VPS53: variants seen among roughly 807,000 people sequenced by gnomAD.
VPS53 encodes vacuolar protein sorting-associated protein 53 homolog.
In VPS53, 70 loss-of-function variants were observed where a neutral mutation model predicts 107.0. That is an observed-to-expected ratio of 0.65 (90% CI 0.54 to 0.80). The LOEUF is 0.80. Among genes scored for constraint, VPS53 ranks in the 30% least tolerant of loss-of-function variants. The probability of loss-of-function intolerance (pLI) is 0.00; values close to 1 mark genes in which losing one functional copy is unlikely to be tolerated. For missense variants in VPS53, 917 were observed against 1,049.4 expected, an observed-to-expected ratio of 0.87 and a Z score of 1.74; for synonymous variants, 409 against 393.3, an observed-to-expected ratio of 1.04 and a Z score of -0.47.
chr17:512,940 G>A lies in VPS53; in HGVS notation c.*6188C>T, dbSNP rs960785019. On this transcript the variant is annotated 3_prime_UTR_variant, in exon 22 of 22. Transcript: ENST00000437048. ...AGCAGGCTGTGATGGGAACGGTAAG[G>A]ACAGAGAAGGGAAGGTTCACAGGAT... 1 of 152,432 alleles carries A rather than the reference G, an allele frequency of 6.6e-6. No individual in the cohort carries two copies. The highest frequency in any genetic ancestry group is 1.5e-5 in the Non-Finnish European group (1 of 68,192). 9.4% of individuals were successfully genotyped at this position (152,432 alleles called of 1,614,324 possible).
At chr17:641,832 A>G (rs1464312032) in intron 7 of VPS53, among the ~76,000 whole-genome samples, 1 of 152,174 alleles carries the variant, frequency 6.6e-6, no homozygotes, top group Non-Finnish European at 1.5e-5. Flanking sequence ...CCTGGCATCC[A>G]CGTAAGTTCA....
At chr17:660,449 T>G (rs1329931250) in intron 5 of VPS53, among the ~76,000 whole-genome samples, 2 of 152,066 alleles carry the variant, frequency 1.3e-5, no homozygotes, top group African/African-American at 4.8e-5. Context: ...ATAAGACATC[T>G]CATAACTTGG....
At chr17:681,240 T>G (rs1444335018) in intron 4 of VPS53, among the ~76,000 whole-genome samples, 2 of 152,116 alleles carry the variant, frequency 1.3e-5, no homozygotes, top group Non-Finnish European at 2.9e-5. Flanking sequence ...GGGTTCAAGT[T>G]ATTCTTCTGC....
chr17:634,934 T>C lies in VPS53; in HGVS notation c.609-3306A>G, dbSNP rs553225939. ...CCAGTAATGGGGTGGCTGGGTCAAA[T>C]GGTATTTCTAGTTCTAGATCCTTGA... On this transcript the variant is annotated intron_variant, in intron 7 of 21. Coordinates refer to ENST00000437048, the MANE Select transcript of VPS53 (RefSeq NM_001128159.3). Among the ~76,000 whole-genome samples the C allele has an allele frequency of 9.9e-5, 15 of 151,848 alleles. No homozygotes were observed. In the South Asian group the frequency reaches 2.9e-3, roughly 30 times the overall value.
intron 2 of VPS53, 145 bp from the exon 3 acceptor site, chr17:699,525 A>C: frequency 3.5e-6 from 2 of 565,570 alleles, no homozygotes; most frequent in Non-Finnish European, 5.6e-6. Flanking sequence ...AAAAAAAAAA[A>C]AGTAAAGCAG....
At chr17:642,392 T>C (rs1457402240) in intron 7 of VPS53, among the ~76,000 whole-genome samples, 1 of 149,372 alleles carries the variant, frequency 6.7e-6, no homozygotes, top group Admixed American at 6.7e-5. Context: ...AAAACACTCA[T>C]ACTCGGAAAC....
chr17:652,869 T>C (rs1971010891), intron 7 of VPS53, among the ~76,000 whole-genome samples: 1 of 152,146 alleles, frequency 6.6e-6, no homozygotes, highest in Non-Finnish European at 1.5e-5. Context: ...TTGGAAGACA[T>C]GGGAAGGGGT....
chr17:546,329 T>TCACACACACA (rs71371545), intron 17 of VPS53, among the ~76,000 whole-genome samples: 1,632 of 131,924 alleles, frequency 0.012, 26 homozygotes, highest in African/African-American at 0.016. Context: ...CTTAGATATC[T>TCACACACACA]CACACACACA....
Position 710,535 on chromosome 17 carries a change from G to C in VPS53, c.166C>G (p.Gln56Glu). ...AGGAAACCTGAAACTCTACTTACTT[G>C]CTCGGTTGGGAACAGGGTATTGATA... ...EYINTLFPTEQSLANIDEVVN... is the reference protein window; with the variant it reads ...EYINTLFPTEESLANIDEVVN... Residue 56 changes from glutamine (Q) to glutamate (E), a missense_variant and splice_region_variant, in exon 2 of 22, where the codon CAA (glutamine) becomes GAA (glutamate). By Grantham distance (29) the Gln-to-Glu change is conservative (BLOSUM62 2). Transcript: ENST00000437048. The C allele has an allele frequency of 6.2e-7, 1 of 1,612,928 alleles. No individual in the cohort carries two copies. The highest frequency in any genetic ancestry group is 8.5e-7 in the Non-Finnish European group (1 of 1,179,080).
At chr17:668,418 C>A (rs1190481919) in intron 4 of VPS53, among the ~76,000 whole-genome samples, 1 of 152,182 alleles carries the variant, frequency 6.6e-6, no homozygotes, top group Non-Finnish European at 1.5e-5. Flanking sequence ...CATAACCATT[C>A]CTCTAACTTC....
intron 15 of VPS53, among the ~76,000 whole-genome samples, chr17:560,052 G>A (rs1368453553): frequency 6.6e-6 from 1 of 152,218 alleles, no homozygotes; most frequent in African/African-American, 2.4e-5. Context: ...TCTGAGCATG[G>A]AATAACTGGC....
chr17:626,975 C>A (rs1335478584), intron 10 of VPS53, among the ~76,000 whole-genome samples, 199 bp downstream of exon 10: 1 of 152,046 alleles, frequency 6.6e-6, no homozygotes, highest in Non-Finnish European at 1.5e-5. Flanking sequence ...AAGAACTACA[C>A]CACGGAAAGT....
At chr17:569,893 G>C (rs1484148651) in intron 13 of VPS53, among the ~76,000 whole-genome samples, 7 of 146,140 alleles carry the variant, frequency 4.8e-5, no homozygotes, top group Non-Finnish European at 1.5e-5. Context: ...GACAGAGCAA[G>C]ACTCTGCCTC....
chr17:703,848 T>C (rs1741625047), intron 2 of VPS53, among the ~76,000 whole-genome samples: 1 of 151,752 alleles, frequency 6.6e-6, no homozygotes, highest in Non-Finnish European at 1.5e-5. Flanking sequence ...TCACCCAGGC[T>C]GCAGTGCAGT....
At chr17:617,461 G>A (rs1215983068) in intron 11 of VPS53, among the ~76,000 whole-genome samples, 2 of 152,224 alleles carry the variant, frequency 1.3e-5, no homozygotes, top group Non-Finnish European at 2.9e-5. Flanking sequence ...GAGTGCAGTG[G>A]TGCAATCTCA....
At chr17:567,235 G>C (rs1913610162) in intron 13 of VPS53, among the ~76,000 whole-genome samples, 1 of 152,126 alleles carries the variant, frequency 6.6e-6, no homozygotes, top group African/African-American at 2.4e-5. Flanking sequence ...ACTTCAAAAA[G>C]CTCTAAAGAT....
At chr17:648,100 G>C (rs1420479451) in intron 7 of VPS53, among the ~76,000 whole-genome samples, 2 of 152,184 alleles carry the variant, frequency 1.3e-5, no homozygotes, top group East Asian at 3.9e-4. Context: ...ATCAGCTGCT[G>C]GGACACCCAC....
chr17:557,467 G>C (rs1011816545), intron 15 of VPS53, among the ~76,000 whole-genome samples: 1 of 152,106 alleles, frequency 6.6e-6, no homozygotes, highest in South Asian at 2.1e-4. Flanking sequence ...GGGTTGGGGG[G>C]ACACTTCAAC....
At chr17:586,136 T>C (rs1331761753) in intron 13 of VPS53, 134 bp downstream of exon 13, 44 of 699,796 alleles carry the variant, frequency 6.3e-5, no homozygotes, top group Non-Finnish European at 1.0e-4. Context: ...ATACCCCTAA[T>C]GGGTTTCTAG....
Sources: gnomAD v4.1 joint callset for allele counts (sites outside exome capture counted in the v4.1 genomes callset) on GRCh38, gnomAD v4.1.1 for gene constraint, MANE v1.5 for transcripts, NCBI Gene and HGNC (gene_info 2026-07-23, HGNC 2026-07-21) for gene names.